RFNG: variants seen among roughly 807,000 people sequenced by gnomAD.
RFNG encodes beta-1,3-N-acetylglucosaminyltransferase radical fringe.
A neutral mutation model predicts 29.6 loss-of-function variants in RFNG; 37 were observed. The ratio of observed to expected loss-of-function variants is 1.25; its 90% CI spans 0.96 to 1.65. The LOEUF is 1.65. Among genes scored for constraint, RFNG ranks in the 40% most tolerant of loss-of-function variants. The pLI is 0.00. For synonymous variants in RFNG, 276 were observed against 197.3 expected (o/e 1.40, Z -3.34); for missense variants, 546 against 457.0 (o/e 1.19, Z -1.78).
In RFNG at chr17:82,050,455, G is replaced by T. The variant is rs1334105403; in HGVS notation, c.520C>A (p.Pro174Thr). Residue 174 changes from proline (P) to threonine (T), a missense_variant, in exon 4 of 8, where the codon CCC becomes ACC. Physicochemically the swap from Pro to Thr is conservative, Grantham distance 38. Coordinates refer to ENST00000310496, the MANE Select transcript of RFNG (RefSeq NM_002917.2). ...GCCTCAATGGGGTGGTCCAGGCTGG[G>T]CCGCCCCAGGTAGACGTCCTGGCTG... ...SPSQDVYLGRPSLDHPIEATE... is the reference protein window; with the variant it reads ...SPSQDVYLGRTSLDHPIEATE... 2 of 1,612,446 alleles carry T rather than the reference G, an allele frequency of 1.2e-6. No homozygotes were observed. Among genetic ancestry groups the T allele is most frequent in the Non-Finnish European group, 1.7e-6 (2 of 1,179,760 alleles).
At position 82,048,675 on chromosome 17, in the gene RFNG, T is replaced by A. The variant is rs1187204254; in HGVS notation, c.*51A>T. 2 of 1,488,562 alleles carry A rather than the reference T, an allele frequency of 1.3e-6. No individual in the cohort carries two copies. Among genetic ancestry groups the A allele is most frequent in the Non-Finnish European group, 9.3e-7 (1 of 1,072,584 alleles). The allele number at this position is 1,488,562 out of a possible 1,614,324, so 92.2% of individuals were successfully genotyped here. A position where few individuals can be genotyped will look rare whatever the true frequency, so the allele number is the denominator to read the frequency against. On this transcript the variant is annotated 3_prime_UTR_variant, in exon 8 of 8. Transcript: ENST00000310496. ...CCACTGAGCCCATAGGGGGCTCTGGTTCCCCGCGCCTGGGACAGAGCCAGG... is the reference window on the plus strand; with the variant it reads ...CCACTGAGCCCATAGGGGGCTCTGGATCCCCGCGCCTGGGACAGAGCCAGG...
chr17:82,048,376 A>C lies in RFNG; in HGVS notation c.*350T>G. 1 of 316,528 alleles carries C rather than the reference A, an allele frequency of 3.2e-6. No individual in the cohort carries two copies. Among genetic ancestry groups the C allele is most frequent in the South Asian group, 3.2e-5 (1 of 31,362 alleles). The allele number at this position is 316,528 out of a possible 1,614,324, so 19.6% of individuals were successfully genotyped here. On this transcript the variant is annotated 3_prime_UTR_variant, in exon 8 of 8. Coordinates refer to ENST00000310496, the MANE Select transcript of RFNG (RefSeq NM_002917.2). Reference sequence around the variant, plus strand: ...CTCCTTGACACCCAGCCAGCCTAGCACCCGCCTTCAGCAACAGGTAATGGA... The same window carrying C: ...CTCCTTGACACCCAGCCAGCCTAGCCCCCGCCTTCAGCAACAGGTAATGGA...
rs1006239611 is a variant in RFNG, at chr17:82,048,786, A to G, written c.936T>C (p.Leu312=). ...DPTRFKSIHC[L]LYPDTDWCPR... Reference sequence around the variant, plus strand: ...GACACCAGTCCGTGTCTGGGTACAGAAGACAATGGATAGACTTAAACCTGG... The same window carrying G: ...GACACCAGTCCGTGTCTGGGTACAGGAGACAATGGATAGACTTAAACCTGG... Residue 312 remains leucine, a synonymous_variant, in exon 8 of 8, where the codon CTT becomes CTC. Transcript: ENST00000310496. 6 of 1,613,210 alleles carry G rather than the reference A, an allele frequency of 3.7e-6. No homozygotes were observed. The highest frequency in any genetic ancestry group is 5.1e-6 in the Non-Finnish European group (6 of 1,179,764).
Position 82,050,729 on chromosome 17 carries a change from G to A in RFNG, c.352C>T (p.Arg118Cys), listed in dbSNP as rs761938920. 6.8e-5 allele frequency: 110 copies of A among 1,613,024 alleles called. No homozygotes were observed. Among genetic ancestry groups the A allele is most frequent in the Non-Finnish European group, 8.9e-5 (105 of 1,179,958 alleles). The part of the protein sequence containing the change: ...RVINTNCSAV[R>C]TRQALCCKMS... ...TTGCAGCAGAGGGCCTGACGAGTGC[G>A]CACCGCCGAGCAGTTGGTGTTGATG... Residue 118 changes from arginine (R) to cysteine (C), a missense_variant, in exon 3 of 8, where the codon CGC becomes TGC. Physicochemically the swap from Arg to Cys is radical, Grantham distance 180 (BLOSUM62 -3). Coordinates refer to ENST00000310496, the MANE Select transcript of RFNG (RefSeq NM_002917.2).
At position 82,050,675 on chromosome 17, in the gene RFNG, C is replaced by T; in HGVS notation, c.406G>A (p.Glu136Lys). 6.2e-7 allele frequency: 1 copy of T among 1,613,228 alleles called. No individual in the cohort carries two copies. Among genetic ancestry groups the T allele is most frequent in the Non-Finnish European group, 8.5e-7 (1 of 1,179,940 alleles). Reference protein sequence around the residue: ...KMSVEYDKFIESGRKWFCHVD... With the variant: ...KMSVEYDKFIKSGRKWFCHVD... ...AGCGCCGCGTACTTGCGCCCGGACTCAATGAACTTGTCATACTCCACGGAC... is the reference window on the plus strand; with the variant it reads ...AGCGCCGCGTACTTGCGCCCGGACTTAATGAACTTGTCATACTCCACGGAC... Residue 136 changes from glutamate to lysine, a missense_variant, in exon 3 of 8, where the codon GAG becomes AAG. Transcript: ENST00000310496.
rs543483238 is a variant in RFNG, at chr17:82,048,199, G to A, written c.*527C>T. On this transcript the variant is annotated 3_prime_UTR_variant, in exon 8 of 8. Coordinates refer to ENST00000310496, the MANE Select transcript of RFNG (RefSeq NM_002917.2). ...CGCCTGGACTGGGAGCAAAGCTCTG[G>A]TCGAGAACATGACCTTCCCGGGCCT... The A allele has an allele frequency of 1.8e-5, 3 of 162,450 alleles. No homozygotes were observed. Among genetic ancestry groups the A allele is most frequent in the South Asian group, 1.7e-4 (1 of 5,880 alleles). 10.1% of individuals were successfully genotyped at this position (162,450 alleles called of 1,614,324 possible).
At position 82,050,502 on chromosome 17, in the gene RFNG, T is replaced by C. The variant is rs1390390090; in HGVS notation, c.473A>G (p.His158Arg). Residue 158 changes from histidine to arginine, a missense_variant, in exon 4 of 8, where the codon CAC (histidine) becomes CGC (arginine). Physicochemically the swap from His to Arg is conservative, Grantham distance 29. Transcript: ENST00000310496. ...DNYVNARSLL[H>R]LLSSFSPSQD... ...GCTGGGTGAGAAGCTGGAGAGCAGG[T>C]GCAGGAGGCTCCTGGCGTTCACATA... The C allele has an allele frequency of 1.9e-6, 3 of 1,612,820 alleles. No individual in the cohort carries two copies. The African/African-American group carries it at 4.0e-5, about 22-fold the overall frequency.
rs761980976 is a variant in RFNG, at chr17:82,048,689, G to T, written c.*37C>A. On this transcript the variant is annotated 3_prime_UTR_variant, in exon 8 of 8. Transcript: ENST00000310496. ...GGGGGCTCTGGTTCCCCGCGCCTGG[G>T]ACAGAGCCAGGCAGCCCTGGGTCGG... 6.4e-7 allele frequency: 1 copy of T among 1,571,332 alleles called. No homozygotes were observed. Among genetic ancestry groups the T allele is most frequent in the South Asian group, 1.1e-5 (1 of 90,320 alleles).
At position 82,051,452 on chromosome 17, in the gene RFNG, G is replaced by C. The variant is rs778488967; in HGVS notation, c.267+48C>G. Reference sequence around the variant, plus strand: ...GGGCCGGGCCTAGACCCTGGGAGGCGGGGCGGGTGGGCGTGGGGCTCGCCG... The same window carrying C: ...GGGCCGGGCCTAGACCCTGGGAGGCCGGGCGGGTGGGCGTGGGGCTCGCCG... On this transcript the variant is annotated intron_variant, in intron 1 of 7. Coordinates refer to ENST00000310496, the MANE Select transcript of RFNG (RefSeq NM_002917.2). This position sits in a 1 kb window ranked among gnomAD's most constrained non-coding sequence, Gnocchi z 4.1. 151 of 1,341,462 alleles carry C rather than the reference G, an allele frequency of 1.1e-4. 3 individuals are homozygous for C. In the Admixed American group the frequency reaches 3.6e-3, roughly 32 times the overall value. 83.1% of individuals were successfully genotyped at this position (1,341,462 alleles called of 1,614,324 possible).
rs774837488 is a variant in RFNG, at chr17:82,049,014, T to C, written c.914+17A>G. 7 of 1,609,894 alleles carry C rather than the reference T, an allele frequency of 4.3e-6. No homozygotes were observed. In the South Asian group the frequency reaches 6.6e-5, roughly 15 times the overall value. On this transcript the variant is annotated intron_variant, in intron 7 of 7. Transcript: ENST00000310496. ...CCCTGCGGGGCCGAGGGCCTGCCCA[T>C]GCCACTACCTACTCACCGTGTGGGG...
rs2030463140 is a variant in RFNG at position 82,051,012 on chromosome 17, C to T, written c.317-248G>A. On this transcript the variant is annotated intron_variant, in intron 2 of 7. Transcript: ENST00000310496. This position sits in a 1 kb window ranked among gnomAD's most constrained non-coding sequence, Gnocchi z 4.1. ...CAGGACGGAGGCAGCTCGCCCTGACCTGGCCTGGAAGGGCGGATTCCCTGC... is the reference window on the plus strand; with the variant it reads ...CAGGACGGAGGCAGCTCGCCCTGACTTGGCCTGGAAGGGCGGATTCCCTGC... The T allele has an allele frequency of 7.1e-7, 1 of 1,409,042 alleles. No individual in the cohort carries two copies. Among genetic ancestry groups the T allele is most frequent in the Admixed American group, 3.1e-5 (1 of 32,234 alleles). The allele number at this position is 1,409,042 out of a possible 1,614,324, so 87.3% of individuals were successfully genotyped here. A position where few individuals can be genotyped will look rare whatever the true frequency, so the allele number is the denominator to read the frequency against.
At chr17:82,049,603 G>C (rs1272334359) in intron 6 of RFNG, 74 bp downstream of exon 6, 16 of 1,455,204 alleles carry the variant, frequency 1.1e-5, no homozygotes, top group Non-Finnish European at 1.3e-5. Flanking sequence ...ATCGGGCCGG[G>C]GCAGTGGGGC....
intron 4 of RFNG, 96 bp downstream of exon 4, chr17:82,050,306 G>A (rs946393649): frequency 1.7e-5 from 23 of 1,391,260 alleles, no homozygotes; most frequent in African/African-American, 4.3e-5. Flanking sequence ...CCAACCCTAT[G>A]CCCTTCTCAA....
intron 6 of RFNG, 99 bp downstream of exon 6, chr17:82,049,578 C>T: frequency 7.3e-7 from 1 of 1,376,584 alleles, no homozygotes. Flanking sequence ...ATCCCACCTG[C>T]CTGCTCAGCC....
chr17:82,050,032 T>G, intron 4 of RFNG, 26 bp from the exon 5 acceptor site: 1 of 1,573,710 alleles, frequency 6.4e-7, no homozygotes, highest in Non-Finnish European at 8.7e-7. Flanking sequence ...TGGTCAGAGC[T>G]GCCCAGGACA....
At chr17:82,049,294 G>A (rs751403851) in intron 6 of RFNG, 178 bp from the exon 7 acceptor site, 17 of 707,566 alleles carry the variant, frequency 2.4e-5, no homozygotes, top group Non-Finnish European at 4.1e-5. Context: ...GGACACCTCA[G>A]GCAGAGCCTG....
rs778488967 is a variant in RFNG at position 82,051,452 on chromosome 17, G to T, written c.267+48C>A. On this transcript the variant is annotated intron_variant, in intron 1 of 7. Coordinates refer to ENST00000310496, the MANE Select transcript of RFNG (RefSeq NM_002917.2). The surrounding 1 kb of genome is among the most constrained non-coding windows in gnomAD (Gnocchi z 4.1). ...GGGCCGGGCCTAGACCCTGGGAGGCGGGGCGGGTGGGCGTGGGGCTCGCCG... is the reference window on the plus strand; with the variant it reads ...GGGCCGGGCCTAGACCCTGGGAGGCTGGGCGGGTGGGCGTGGGGCTCGCCG... The T allele has an allele frequency of 7.5e-7, 1 of 1,341,354 alleles. No individual in the cohort carries two copies. Among genetic ancestry groups the T allele is most frequent in the African/African-American group, 1.5e-5 (1 of 64,588 alleles). 83.1% of individuals were successfully genotyped at this position (1,341,354 alleles called of 1,614,324 possible). A position where few individuals can be genotyped will look rare whatever the true frequency, so the allele number is the denominator to read the frequency against.
Position 82,051,457 on chromosome 17 carries a change from G to A in RFNG, c.267+43C>T. On this transcript the variant is annotated intron_variant, in intron 1 of 7. Transcript: ENST00000310496. This position sits in a 1 kb window ranked among gnomAD's most constrained non-coding sequence, Gnocchi z 4.1. ...GGGCCTAGACCCTGGGAGGCGGGGC[G>A]GGTGGGCGTGGGGCTCGCCGTCGGG... 7.4e-7 allele frequency: 1 copy of A among 1,342,448 alleles called. No individual in the cohort carries two copies. Among genetic ancestry groups the A allele is most frequent in the South Asian group, 2.0e-5 (1 of 50,454 alleles). The allele number at this position is 1,342,448 out of a possible 1,614,324, so 83.2% of individuals were successfully genotyped here.
rs1403299011 is a variant in RFNG at position 82,051,534 on chromosome 17, A to AGCAGCC, written c.227_232dup (p.Arg76_Leu77dup). 1 of 1,399,574 alleles carries AGCAGCC rather than the reference A, an allele frequency of 7.1e-7. No homozygotes were observed. Among genetic ancestry groups the AGCAGCC allele is most frequent in the Non-Finnish European group, 9.3e-7 (1 of 1,072,610 alleles). The allele number at this position is 1,399,574 out of a possible 1,614,324, so 86.7% of individuals were successfully genotyped here. A position where few individuals can be genotyped will look rare whatever the true frequency, so the allele number is the denominator to read the frequency against. On this transcript the variant is annotated inframe_insertion, in exon 1 of 8. Transcript: ENST00000310496. The surrounding 1 kb of genome is among the most constrained non-coding windows in gnomAD (Gnocchi z 4.1). ...GGCCCGGGAGATCCAGGTGCGCAGC[A>AGCAGCC]GCAGCCGCAGGCGCGGCCCGTGGTT...
Sources: gnomAD v4.1 joint callset for allele counts on GRCh38, gnomAD v4.1.1 for gene constraint, Gnocchi (gnomAD v3.1) non-coding constraint, MANE v1.5 for transcripts, NCBI Gene and HGNC (gene_info 2026-07-23, HGNC 2026-07-21) for gene names.